The following PLEC variants were observed in gnomAD, a reference collection of about 807,000 sequenced individuals.
The protein encoded by PLEC is plectin.
In PLEC, 216 loss-of-function variants were observed where a neutral mutation model predicts 392.8. The ratio of observed to expected loss-of-function variants is 0.55; its 90% CI spans 0.49 to 0.62. The LOEUF (loss-of-function observed/expected upper bound fraction) is 0.62, where lower values mean the gene tolerates loss of function less well. Ranked by LOEUF, PLEC falls within the 20% of genes least tolerant of loss-of-function variation. The pLI is 0.00. For missense variants in PLEC, 6,863 were observed against 6,563.4 expected (o/e 1.05, Z -1.58); for synonymous variants, 3,621 against 2,980.6 (o/e 1.21, Z -7.00).
chr8:143,971,157 G>T (rs1833410342), intron 1 of PLEC, among the ~76,000 whole-genome samples: 1 of 152,178 alleles, frequency 6.6e-6, no homozygotes, highest in Admixed American at 6.5e-5. Context: ...GTGGGGTGGG[G>T]GGTGAAGGTC....
At chr8:143,958,550 C>T (rs1000763340), upstream of PLEC, 3 of 390,334 alleles carry the variant, frequency 7.7e-6, no homozygotes, top group Admixed American at 5.3e-5. The surrounding 1 kb of genome is among the most constrained non-coding windows in gnomAD (Gnocchi z 4.9). Context: ...TGGCCACCAC[C>T]CTTTCACCTC....
intron 1 of PLEC, among the ~76,000 whole-genome samples, chr8:143,967,271 G>A (rs1270020437): frequency 2.0e-5 from 3 of 146,532 alleles, no homozygotes; most frequent in Non-Finnish European, 4.5e-5. Flanking sequence ...CCTGAGGCAG[G>A]AGAATGGCTT....
At chr8:143,953,287 T>C (rs1268531260), upstream of PLEC, among the ~76,000 whole-genome samples, 1 of 114,450 alleles carries the variant, frequency 8.7e-6, no homozygotes, top group East Asian at 3.1e-4. Context: ...AGAGCCGCAG[T>C]GTGGACTTGC....
Position 143,924,688 on chromosome 8 carries a change from C to A in PLEC, c.5241G>T (p.Thr1747=), listed in dbSNP as rs1216335768. The change falls in exon 31 of 32, where the codon ACG becomes ACT. Residue 1747 remains threonine (T), a synonymous_variant. Coordinates refer to ENST00000345136, the MANE Select transcript of PLEC (RefSeq NM_201384.3). ...CGGCTTCCAGCTCCTGCCGTTTCTGCGTGGCTGCAGCCGCCTCACGCTGCA... is the reference window on the plus strand; with the variant it reads ...CGGCTTCCAGCTCCTGCCGTTTCTGAGTGGCTGCAGCCGCCTCACGCTGCA... The part of the protein sequence containing the change: ...ARLQREAAAA[T]QKRQELEAEL... 2.0e-6 allele frequency: 3 copies of A among 1,534,598 alleles called. No individual in the cohort carries two copies. The highest frequency in any genetic ancestry group is 1.4e-5 in the African/African-American group (1 of 72,940).
In PLEC at chr8:143,918,725, C is replaced by G; in HGVS notation, c.11096G>C (p.Gly3699Ala). 1 of 1,613,020 alleles carries G rather than the reference C, an allele frequency of 6.2e-7. No individual in the cohort carries two copies. The highest frequency in any genetic ancestry group is 8.5e-7 in the Non-Finnish European group (1 of 1,180,020). ...GTAGATGCTCAGTGTCTGCCTGGAA[C>G]CGGGCAGGTAGACACCAGCCACGGA... The part of the protein sequence containing the change: ...TGSVAGVYLP[G>A]SRQTLSIYQA... Residue 3699 changes from glycine (G) to alanine (A), a missense_variant, in exon 32 of 32, where the codon GGT becomes GCT. Gly to Ala is a moderately conservative substitution (Grantham distance 60, BLOSUM62 0). Coordinates refer to ENST00000345136, the MANE Select transcript of PLEC (RefSeq NM_201384.3).
Position 143,927,895 on chromosome 8 carries a change from C to A in PLEC, c.3358G>T (p.Ala1120Ser). 6.3e-7 allele frequency: 1 copy of A among 1,593,796 alleles called. No homozygotes were observed. Among genetic ancestry groups the A allele is most frequent in the Non-Finnish European group, 8.5e-7 (1 of 1,171,054 alleles). The change falls in exon 26 of 32, where the codon GCC becomes TCC. Residue 1120 changes from alanine (A) to serine (S), a missense_variant. Physicochemically the swap from Ala to Ser is moderately conservative, Grantham distance 99. Transcript: ENST00000345136. ...EQLKEAQAVP[A>S]TLPELEATKA... ...GTGGCCTCGAGCTCCGGGAGGGTGG[C>A]CGGCACGGCCTGGGCCTCCTTGAGC...
intron 4 of PLEC, 32 bp from the exon 5 acceptor site, chr8:143,937,103 C>T: frequency 6.2e-7 from 1 of 1,609,550 alleles, no homozygotes; most frequent in South Asian, 1.1e-5. Context: ...TCACGGCCCA[C>T]AGGGCGGGGC....
Position 143,973,344 on chromosome 8 carries a change from G to T in PLEC, c.70+59C>A. On this transcript the variant is annotated intron_variant, in intron 1 of 31. Transcript: ENST00000356346. This position sits in a 1 kb window ranked among gnomAD's most constrained non-coding sequence, Gnocchi z 5.6. ...CGGGACCGCCACCGTGGACGACAAGGTGCTCGGCGGCTGGGCTGTCAGGAG... is the reference window on the plus strand; with the variant it reads ...CGGGACCGCCACCGTGGACGACAAGTTGCTCGGCGGCTGGGCTGTCAGGAG... The T allele has an allele frequency of 6.5e-7, 1 of 1,533,694 alleles. No individual in the cohort carries two copies.
In PLEC at chr8:143,922,958, C is replaced by T. The variant is rs561571844; in HGVS notation, c.6971G>A (p.Arg2324Gln). 220 of 1,609,732 alleles carry T rather than the reference C, an allele frequency of 1.4e-4. No homozygotes were observed. In the East Asian group the frequency reaches 2.8e-3, roughly 20 times the overall value. The change falls in exon 31 of 32, where the codon CGA becomes CAA. Residue 2324 changes from arginine to glutamine, a missense_variant. By Grantham distance (43) the Arg-to-Gln change is conservative (BLOSUM62 1). Coordinates refer to ENST00000345136, the MANE Select transcript of PLEC (RefSeq NM_201384.3). ...EKMQAVQEAT[R>Q]LKAEAELLQQ... ...CAGCAGTTCCGCCTCAGCCTTGAGT[C>T]GCGTGGCCTCCTGCACCGCCTGCAT...
At chr8:143,965,855 T>C (rs1246965705) in intron 1 of PLEC, among the ~76,000 whole-genome samples, 3 of 152,154 alleles carry the variant, frequency 2.0e-5, no homozygotes, top group Admixed American at 2.0e-4. Flanking sequence ...CCATGCCCCC[T>C]GTGACCATGC....
rs1554719864 is a variant in PLEC at position 143,933,982 on chromosome 8, C to A, written c.1263+16G>T. On this transcript the variant is annotated intron_variant, in intron 12 of 31. Transcript: ENST00000345136. Reference sequence around the variant, plus strand: ...CGGCCTCCCTCCCGCCCACTGCCTGCCCCACACCCCCTCACCGACTGCAGC... The same window carrying A: ...CGGCCTCCCTCCCGCCCACTGCCTGACCCACACCCCCTCACCGACTGCAGC... 1.3e-6 allele frequency: 2 copies of A among 1,594,760 alleles called. No homozygotes were observed. Among genetic ancestry groups the A allele is most frequent in the Non-Finnish European group, 1.7e-6 (2 of 1,173,216 alleles).
chr8:143,944,128 C>T (rs1402447789), upstream of PLEC, among the ~76,000 whole-genome samples: 5 of 152,114 alleles, frequency 3.3e-5, no homozygotes, highest in African/African-American at 1.2e-4. Context: ...GCTCCCCACC[C>T]GGCCGGCTCA....
intron 1 of PLEC, chr8:143,950,161 C>T (rs1196520973): frequency 1.3e-5 from 19 of 1,484,230 alleles, no homozygotes; most frequent in Non-Finnish European, 1.6e-5. Context: ...CCCATCATGA[C>T]TTGGGGTCAG....
At position 143,921,379 on chromosome 8, in the gene PLEC, G is replaced by A. The variant is rs186703073; in HGVS notation, c.8442C>T (p.Gly2814=). The A allele has an allele frequency of 2.0e-4, 326 of 1,613,330 alleles. 1 individual carries two copies. The highest frequency in any genetic ancestry group is 3.0e-4 in the Admixed American group (18 of 59,998). Residue 2814 remains glycine (G), a synonymous_variant, in exon 32 of 32, where the codon GGC becomes GGT. Coordinates refer to ENST00000345136, the MANE Select transcript of PLEC (RefSeq NM_201384.3). ...GGTGGCTGTGCACGGGGTCGATAAC[G>A]CCGCCCGTGGCGATCTGGGCCTCCA... ...RLLEAQIATG[G]VIDPVHSHRV...
chr8:143,966,182 G>A (rs1472011070), intron 1 of PLEC, among the ~76,000 whole-genome samples: 5 of 152,066 alleles, frequency 3.3e-5, no homozygotes, highest in African/African-American at 9.7e-5. Context: ...GCTTCCTCAC[G>A]CCCCTTCCTC....
chr8:143,915,979 G>A lies in PLEC; in HGVS notation c.*198C>T, dbSNP rs1820380633. On this transcript the variant is annotated 3_prime_UTR_variant, in exon 32 of 32. Transcript: ENST00000345136. ...GAGACCCGAGGGGGTGAGGCGGCCA[G>A]CAGGGCTGGGCCAGCCCTGTCCCCC... 2.2e-6 allele frequency: 1 copy of A among 462,046 alleles called. No individual in the cohort carries two copies. The highest frequency in any genetic ancestry group is 3.8e-6 in the Non-Finnish European group (1 of 264,372). 28.6% of individuals were successfully genotyped at this position (462,046 alleles called of 1,614,324 possible).
chr8:143,942,570 C>T, upstream of PLEC: 4 of 1,488,804 alleles, frequency 2.7e-6, no homozygotes, highest in Non-Finnish European at 3.6e-6. Context: ...GGAGCTGGAC[C>T]GCGGCGGCGC....
Position 143,919,788 on chromosome 8 carries a change from C to G in PLEC, c.10033G>C (p.Gly3345Arg). The stretch of plus-strand genomic sequence containing the variant: ...CCCTGCAGCAGCGTCCGCACGGAGC[C>G]CAGCTCCGAAAGGTCCTTGACCGTC... ...KTTVKDLSEL[G>R]SVRTLLQGSG... The change falls in exon 32 of 32, where the codon GGC becomes CGC. Residue 3345 changes from glycine (G) to arginine (R), a missense_variant. Gly to Arg is a moderately radical substitution (Grantham distance 125). Coordinates refer to ENST00000345136, the MANE Select transcript of PLEC (RefSeq NM_201384.3). The G allele has an allele frequency of 6.2e-7, 1 of 1,612,650 alleles. No individual in the cohort carries two copies. Among genetic ancestry groups the G allele is most frequent in the Middle Eastern group, 1.6e-4 (1 of 6,062 alleles).
chr8:143,922,440 A>G, intron 31 of PLEC, 45 bp from the exon 32 acceptor site: 2 of 1,600,494 alleles, frequency 1.2e-6, no homozygotes, highest in Middle Eastern at 1.7e-4. Context: ...GCCCAGGAGC[A>G]CCCATCACCC....
Sources: gnomAD v4.1 joint callset for allele counts (sites outside exome capture counted in the v4.1 genomes callset) on GRCh38, gnomAD v4.1.1 for gene constraint, Gnocchi (gnomAD v3.1) non-coding constraint, MANE v1.5 for transcripts, NCBI Gene and HGNC (gene_info 2026-07-23, HGNC 2026-07-21) for gene names.